The following MBP variants were observed in gnomAD, a reference collection of about 807,000 sequenced individuals.
MBP encodes myelin basic protein, also known as Golli-MBP.
A neutral mutation model predicts 35.8 loss-of-function variants in MBP; 16 were observed. The observed-to-expected ratio is 0.45, with a 90% confidence interval of 0.30 to 0.68. The LOEUF is 0.68. Ranked by LOEUF, MBP falls within the 30% of genes least tolerant of loss-of-function variation. The pLI is 0.08. For synonymous variants in MBP, 143 were observed against 159.6 expected, an observed-to-expected ratio of 0.90 and a Z score of 0.78; for missense variants, 380 against 404.7, an observed-to-expected ratio of 0.94 and a Z score of 0.52.
chr18:77,120,160 G>A (rs1976845574), intron 1 of MBP, among the ~76,000 whole-genome samples: 1 of 152,244 alleles, frequency 6.6e-6, no homozygotes, highest in Admixed American at 6.5e-5. Context: ...CGCTTGGTGC[G>A]AGCATTCTTC....
intron 2 of MBP, among the ~76,000 whole-genome samples, chr18:77,072,093 A>G (rs1455702574): frequency 6.6e-6 from 1 of 152,174 alleles, no homozygotes; most frequent in Non-Finnish European, 1.5e-5. Flanking sequence ...CATATGTGGC[A>G]CCTACATGCC....
chr18:77,095,133 G>A (rs1975704602), intron 2 of MBP, among the ~76,000 whole-genome samples: 1 of 152,186 alleles, frequency 6.6e-6, no homozygotes. Context: ...TGGGAGGTGT[G>A]TGTGAAAGAG....
At position 76,984,890 on chromosome 18, in the gene MBP, GC is replaced by G. The variant is rs1238482342; in HGVS notation, c.754del (p.Ala252ProfsTer67). The G allele has an allele frequency of 6.2e-7, 1 of 1,613,192 alleles. No individual in the cohort carries two copies. Among genetic ancestry groups the G allele is most frequent in the Non-Finnish European group, 8.5e-7 (1 of 1,179,986 alleles). ...GLSLSRFSWG[A>X]EGQRPGFGYG... ...GCCAAATCCTGGTCTCTGGCCTTCG[GC>G]CCCCTGCAAGAGAAGACCACGGAGC... On this transcript the variant is annotated frameshift_variant, in exon 8 of 9. Coordinates refer to ENST00000355994, the MANE Select transcript of MBP (RefSeq NM_001025101.2). LOFTEE classifies it high-confidence loss of function.
At chr18:77,092,732 G>T (rs1160484634) in intron 2 of MBP, among the ~76,000 whole-genome samples, 1 of 151,970 alleles carries the variant, frequency 6.6e-6, no homozygotes, top group East Asian at 1.9e-4. Flanking sequence ...GGAGCTTTAC[G>T]AGTCCAGCTA....
chr18:77,110,186 T>C (rs1406565297), intron 1 of MBP: 1 of 152,244 alleles, frequency 6.6e-6, no homozygotes, highest in Non-Finnish European at 1.5e-5. Flanking sequence ...ACATTTTGAA[T>C]GTCCCATGTG....
intron 2 of MBP, among the ~76,000 whole-genome samples, chr18:77,103,608 A>G (rs1398101966): frequency 1.3e-5 from 2 of 152,208 alleles, no homozygotes; most frequent in African/African-American, 4.8e-5. Context: ...GAACAATCAC[A>G]CAGCATGGAC....
At chr18:76,990,139 T>G in intron 4 of MBP, 79 bp from the exon 5 acceptor site, 2 of 861,832 alleles carry the variant, frequency 2.3e-6, no homozygotes, top group Non-Finnish European at 3.7e-6. Context: ...GCTGGATCTC[T>G]CCTCCTTTGT....
chr18:77,103,096 A>G (rs945079788), intron 2 of MBP, among the ~76,000 whole-genome samples: 8 of 152,350 alleles, frequency 5.3e-5, no homozygotes, highest in African/African-American at 1.9e-4. Flanking sequence ...TTTAATCAAG[A>G]TAAAATATAC....
chr18:76,989,884 T>C lies in MBP; in HGVS notation c.681+72A>G. On this transcript the variant is annotated intron_variant, in intron 5 of 8. Coordinates refer to ENST00000355994, the MANE Select transcript of MBP (RefSeq NM_001025101.2). This position sits in a 1 kb window ranked among gnomAD's most constrained non-coding sequence, Gnocchi z 4.0. Reference sequence around the variant, plus strand: ...CCCCCGAGCGTACGAACGTCCTGTGTGGATGACAGCAGTGGCCAGCACCCC... The same window carrying C: ...CCCCCGAGCGTACGAACGTCCTGTGCGGATGACAGCAGTGGCCAGCACCCC... 1 of 1,336,716 alleles carries C rather than the reference T, an allele frequency of 7.5e-7. No homozygotes were observed. Among genetic ancestry groups the C allele is most frequent in the Non-Finnish European group, 1.1e-6 (1 of 930,036 alleles). 82.8% of individuals were successfully genotyped at this position (1,336,716 alleles called of 1,614,324 possible). A position where few individuals can be genotyped will look rare whatever the true frequency, so the allele number is the denominator to read the frequency against.
At position 77,058,022 on chromosome 18, in the gene MBP, C is replaced by T. The variant is rs577922671; in HGVS notation, c.139+8276G>A. Among the ~76,000 whole-genome samples the T allele has an allele frequency of 6.9e-4, 17 of 24,540 alleles. 7 individuals are homozygous for T. The highest frequency in any genetic ancestry group is 1.0e-3 in the Non-Finnish European group (15 of 14,740). The allele number at this position is 24,540 out of a possible 152,430, so 16.1% of individuals were successfully genotyped here. A position where few individuals can be genotyped will look rare whatever the true frequency, so the allele number is the denominator to read the frequency against. ...TTTGTATTTTTTTTTTTAATAGAGA[C>T]GGGGTTTCACCGTGTTAGCCAGGAT... On this transcript the variant is annotated intron_variant, in intron 3 of 8. Coordinates refer to ENST00000355994, the MANE Select transcript of MBP (RefSeq NM_001025101.2).
Position 77,081,864 on chromosome 18 carries a change from T to A in MBP, c.52-15479A>T, listed in dbSNP as rs1425761380. Among the ~76,000 whole-genome samples, 28 of 21,086 alleles carry A rather than the reference T, an allele frequency of 1.3e-3. No homozygotes were observed. The South Asian group carries it at 0.027, about 20-fold the overall frequency. 13.8% of individuals were successfully genotyped at this position (21,086 alleles called of 152,430 possible). The stretch of plus-strand genomic sequence containing the variant: ...CACATATATATATATATATTTTTTT[T>A]TTTTTGAGACGGAGTCTCGCTCTGT... On this transcript the variant is annotated intron_variant, in intron 2 of 8. Transcript: ENST00000355994.
At chr18:77,058,249 C>A (rs545116091) in intron 3 of MBP, among the ~76,000 whole-genome samples, 4 of 152,078 alleles carry the variant, frequency 2.6e-5, no homozygotes, top group Non-Finnish European at 4.4e-5. Context: ...TGCGGGGATG[C>A]GGGGATGCCG....
intron 2 of MBP, among the ~76,000 whole-genome samples, chr18:77,104,752 T>G (rs1190119217): frequency 2.0e-5 from 3 of 152,160 alleles, no homozygotes; most frequent in Non-Finnish European, 2.9e-5. Context: ...AAATCAAAAG[T>G]ATTTTTGCAT....
chr18:77,130,298 A>C (rs1205467086), intron 1 of MBP, among the ~76,000 whole-genome samples: 1 of 151,158 alleles, frequency 6.6e-6, no homozygotes, highest in Non-Finnish European at 1.5e-5. Flanking sequence ...GGTGCAGAGC[A>C]GCAGTCAGGC....
At chr18:76,984,626 C>T in intron 8 of MBP, 149 bp downstream of exon 8, 2 of 1,049,838 alleles carry the variant, frequency 1.9e-6, no homozygotes, top group Non-Finnish European at 2.8e-6. Flanking sequence ...GCAATGCCAC[C>T]TGAGCCCCTG....
chr18:77,130,413 G>A (rs1305264137), intron 1 of MBP, among the ~76,000 whole-genome samples: 2 of 151,264 alleles, frequency 1.3e-5, no homozygotes, highest in Non-Finnish European at 2.9e-5. Context: ...ATGAAGATAT[G>A]AATAGGATGG....
intron 3 of MBP, among the ~76,000 whole-genome samples, chr18:77,039,170 C>G (rs1972886617): frequency 6.6e-6 from 1 of 152,206 alleles, no homozygotes; most frequent in Non-Finnish European, 1.5e-5. Context: ...GGTGCACAAG[C>G]AGAGGCTCCA....
chr18:77,111,001 T>C (rs1205070134), intron 1 of MBP, among the ~76,000 whole-genome samples: 2 of 152,132 alleles, frequency 1.3e-5, no homozygotes, highest in Non-Finnish European at 2.9e-5. Context: ...GTCTTCGCGG[T>C]GTACGGGACC....
At position 76,988,602 on chromosome 18, in the gene MBP, A is replaced by T; in HGVS notation, c.718-75T>A. ...AGTCCTTTCAATCAACAGGAAACAC[A>T]GTCAAAGCACAGTGGAGCTGAGGTG... On this transcript the variant is annotated intron_variant, in intron 6 of 8. Transcript: ENST00000355994. The surrounding 1 kb of genome is among the most constrained non-coding windows in gnomAD (Gnocchi z 5.2). The T allele has an allele frequency of 1.3e-6, 2 of 1,564,856 alleles. No individual in the cohort carries two copies. Among genetic ancestry groups the T allele is most frequent in the Non-Finnish European group, 1.7e-6 (2 of 1,157,286 alleles).
Sources: allele counts gnomAD v4.1 joint callset (sites outside exome capture counted in the v4.1 genomes callset), GRCh38; gene constraint gnomAD v4.1.1; non-coding constraint Gnocchi (gnomAD v3.1); transcripts MANE v1.5; gene names NCBI Gene and HGNC (gene_info 2026-07-23, HGNC 2026-07-21).